SORCS1: variants seen among roughly 807,000 people sequenced by gnomAD.
SORCS1 encodes VPS10 domain-containing receptor SorCS1.
A neutral mutation model predicts 146.1 loss-of-function variants in SORCS1; 60 were observed. The observed-to-expected ratio is 0.41, with a 90% CI of 0.33 to 0.51. The LOEUF is 0.51. SORCS1 is among the 20% of genes least tolerant of loss of function. SORCS1 has a pLI of 0.21. For synonymous variants in SORCS1, 637 were observed against 584.0 expected (o/e 1.09, Z -1.31); for missense variants, 1,352 against 1,487.6 (o/e 0.91, Z 1.50).
chr10:106,982,832 C>T (rs970442683), intron 1 of SORCS1, among the ~76,000 whole-genome samples: 2 of 151,982 alleles, frequency 1.3e-5, no homozygotes, highest in Non-Finnish European at 2.9e-5. Flanking sequence ...TATGTTGCTC[C>T]CCTAGTGTTA....
chr10:106,909,485 C>T (rs1467261048), intron 2 of SORCS1, among the ~76,000 whole-genome samples: 1 of 152,084 alleles, frequency 6.6e-6, no homozygotes, highest in African/African-American at 2.4e-5. Flanking sequence ...TTCTTTGCCC[C>T]CAGACCATGC....
intron 3 of SORCS1, among the ~76,000 whole-genome samples, chr10:106,787,928 T>C (rs1946131491): frequency 6.6e-6 from 1 of 152,222 alleles, no homozygotes; most frequent in Admixed American, 6.5e-5. Context: ...ATTTTAAAAG[T>C]TGTCTGATCT....
chr10:106,659,111 G>C (rs1850526791), intron 17 of SORCS1, among the ~76,000 whole-genome samples: 1 of 152,222 alleles, frequency 6.6e-6, no homozygotes. Flanking sequence ...CATAGCATCA[G>C]CAATCAGGAA....
chr10:107,033,016 G>C (rs1386388878), intron 1 of SORCS1, among the ~76,000 whole-genome samples: 1 of 152,076 alleles, frequency 6.6e-6, no homozygotes, highest in Non-Finnish European at 1.5e-5. Flanking sequence ...CTGCTATAAA[G>C]AACTACCTGA....
chr10:106,730,247 C>T (rs1338737849), intron 5 of SORCS1, 133 bp from the exon 6 acceptor site: 1 of 706,196 alleles, frequency 1.4e-6, no homozygotes, highest in East Asian at 2.7e-5. Context: ...AATATATCTA[C>T]TCTATGTATT....
At chr10:106,663,497 A>G (rs1850893078) in intron 17 of SORCS1, among the ~76,000 whole-genome samples, 1 of 152,186 alleles carries the variant, frequency 6.6e-6, no homozygotes, top group African/African-American at 2.4e-5. Flanking sequence ...TTGTAACTAA[A>G]TATTTTTTAA....
intron 1 of SORCS1, among the ~76,000 whole-genome samples, chr10:107,028,217 C>T (rs1958491903): frequency 2.0e-5 from 3 of 152,142 alleles, no homozygotes; most frequent in South Asian, 2.1e-4. Context: ...AAAAGGAATT[C>T]CAGCGTTTAC....
chr10:107,127,306 C>T (rs888243180), intron 1 of SORCS1, among the ~76,000 whole-genome samples: 10 of 151,972 alleles, frequency 6.6e-5, no homozygotes, highest in Non-Finnish European at 1.0e-4. Flanking sequence ...TTGAATATAG[C>T]TCCCTTACTT....
intron 5 of SORCS1, among the ~76,000 whole-genome samples, chr10:106,746,275 G>A (rs1857739723): frequency 6.6e-6 from 1 of 152,172 alleles, no homozygotes; most frequent in Admixed American, 6.5e-5. Context: ...AATGTAAGAT[G>A]TTAACATTAG....
chr10:107,104,014 C>T (rs1965130436), intron 1 of SORCS1, among the ~76,000 whole-genome samples: 1 of 152,202 alleles, frequency 6.6e-6, no homozygotes, highest in South Asian at 2.1e-4. Flanking sequence ...TCGTCAGAAC[C>T]TTTTTGGACA....
intron 2 of SORCS1, among the ~76,000 whole-genome samples, chr10:106,889,815 G>A (rs571192168): frequency 7.4e-5 from 11 of 149,098 alleles, no homozygotes; most frequent in African/African-American, 2.5e-4. Context: ...AACCCGGGAG[G>A]CGGAGCTTGC....
intron 1 of SORCS1, among the ~76,000 whole-genome samples, chr10:107,044,814 T>TAAAAAAAAAAAAAA (rs71025575): frequency 1.1e-5 from 1 of 90,274 alleles, no homozygotes; most frequent in Non-Finnish European, 2.2e-5. Context: ...TGTGTCTCAA[T>TAAAAAAAAAAAAAA]AAAAAAAAAA....
At chr10:106,943,666 C>T (rs1006946718) in intron 2 of SORCS1, among the ~76,000 whole-genome samples, 9 of 151,872 alleles carry the variant, frequency 5.9e-5, no homozygotes, top group Non-Finnish European at 1.3e-4. Flanking sequence ...AAAAAATAGC[C>T]GGGCATGGTG....
chr10:106,630,230 C>A (rs948925932), intron 18 of SORCS1, among the ~76,000 whole-genome samples: 2 of 152,204 alleles, frequency 1.3e-5, no homozygotes, highest in African/African-American at 4.8e-5. Flanking sequence ...TGATAGGACA[C>A]TGTACGCAGC....
At chr10:107,038,770 T>G (rs949505394) in intron 1 of SORCS1, among the ~76,000 whole-genome samples, 1 of 152,162 alleles carries the variant, frequency 6.6e-6, no homozygotes, top group Non-Finnish European at 1.5e-5. Flanking sequence ...ACTCTGTCTT[T>G]TAATCCCTGC....
At chr10:107,043,707 C>G (rs879476892) in intron 1 of SORCS1, among the ~76,000 whole-genome samples, 4 of 152,096 alleles carry the variant, frequency 2.6e-5, no homozygotes, top group African/African-American at 4.8e-5. Context: ...CCTTCAGCCT[C>G]AAGTTTCACC....
chr10:106,996,461 T>C (rs996016797), intron 1 of SORCS1, among the ~76,000 whole-genome samples: 2 of 152,168 alleles, frequency 1.3e-5, no homozygotes, highest in African/African-American at 4.8e-5. Context: ...AAAATGCATA[T>C]TTTTCTGCTG....
At chr10:106,666,723 A>ATT (rs540831679) in intron 17 of SORCS1, among the ~76,000 whole-genome samples, 9 of 142,284 alleles carry the variant, frequency 6.3e-5, no homozygotes, top group Non-Finnish European at 1.1e-4. Context: ...TGTGCAGTTA[A>ATT]TTTTTTTTTT....
intron 1 of SORCS1, among the ~76,000 whole-genome samples, chr10:107,139,480 A>G (rs1967613380): frequency 1.3e-5 from 2 of 152,216 alleles, no homozygotes; most frequent in Admixed American, 1.3e-4. Flanking sequence ...GTGAGCTCCT[A>G]GCAAATTCTA....
Sources: gnomAD v4.1 joint callset for allele counts (sites outside exome capture counted in the v4.1 genomes callset) on GRCh38, gnomAD v4.1.1 for gene constraint, MANE v1.5 for transcripts, NCBI Gene and HGNC (gene_info 2026-07-23, HGNC 2026-07-21) for gene names.